HIPK3: variants seen among roughly 807,000 people sequenced by gnomAD.
HIPK3 encodes the protein homeodomain-interacting protein kinase 3.
In HIPK3, 47 loss-of-function variants were observed where a neutral mutation model predicts 124.2. That is an observed-to-expected ratio of 0.38 (90% CI 0.30 to 0.48). HIPK3 has a LOEUF of 0.48. Among genes scored for constraint, HIPK3 ranks in the 20% least tolerant of loss-of-function variants. The pLI, the probability that HIPK3 is intolerant of heterozygous loss-of-function variation, is 0.98. For synonymous variants in HIPK3, 482 were observed against 515.2 expected (o/e 0.94, Z 0.87); for missense variants, 1,286 against 1,454.3 (o/e 0.88, Z 1.88).
chr11:33,315,142 C>T (rs1385134248), intron 2 of HIPK3, among the ~76,000 whole-genome samples: 1 of 152,194 alleles, frequency 6.6e-6, no homozygotes, highest in Non-Finnish European at 1.5e-5. Flanking sequence ...TTATTTTCCA[C>T]AGATACTTTT....
At chr11:33,326,198 G>A (rs1373931265) in intron 2 of HIPK3, among the ~76,000 whole-genome samples, 3 of 152,168 alleles carry the variant, frequency 2.0e-5, no homozygotes, top group African/African-American at 7.2e-5. Flanking sequence ...CTAACTTCTT[G>A]AGTGTAAGGC....
Position 33,340,175 on chromosome 11 carries a change from G to A in HIPK3, c.1613+641G>A, listed in dbSNP as rs117032457. The stretch of plus-strand genomic sequence containing the variant: ...TGCTCACTACAACCTCCGCCTCACA[G>A]GCTCAAGTGCTCCTCCCACCACCTC... On this transcript the variant is annotated intron_variant, in intron 6 of 16. Transcript: ENST00000303296. Among the ~76,000 whole-genome samples the A allele has an allele frequency of 3.9e-4, 59 of 152,314 alleles. No homozygotes were observed. In the East Asian group the frequency reaches 8.9e-3, roughly 23 times the overall value.
intron 1 of HIPK3, 148 bp from the exon 2 acceptor site, chr11:33,286,265 C>T (rs554044): frequency 2.8e-6 from 2 of 722,124 alleles, no homozygotes; most frequent in African/African-American, 3.6e-5. Context: ...AAAAAATCAT[C>T]TTCATGGAAA....
Position 33,356,437 on chromosome 11 carries a change from C to T in HIPK3, c.*2869C>T, listed in dbSNP as rs1478937135. 1 of 151,810 alleles carries T rather than the reference C, an allele frequency of 6.6e-6. No homozygotes were observed. The highest frequency in any genetic ancestry group is 1.5e-5 in the Non-Finnish European group (1 of 67,866). 9.4% of individuals were successfully genotyped at this position (151,810 alleles called of 1,614,324 possible). On this transcript the variant is annotated 3_prime_UTR_variant, in exon 17 of 17. Coordinates refer to ENST00000303296, the MANE Select transcript of HIPK3 (RefSeq NM_005734.5). Reference sequence around the variant, plus strand: ...TCTTAAATAAAACACTGCATGATTTCCAAGTTGCATATTTGCATACTATTT... The same window carrying T: ...TCTTAAATAAAACACTGCATGATTTTCAAGTTGCATATTTGCATACTATTT...
At position 33,352,137 on chromosome 11, in the gene HIPK3, G is replaced by C; in HGVS notation, c.3044-1G>C. 6.2e-7 allele frequency: 1 copy of C among 1,612,744 alleles called. No homozygotes were observed. Among genetic ancestry groups the C allele is most frequent in the Non-Finnish European group, 8.5e-7 (1 of 1,179,066 alleles). Reference sequence around the variant, plus strand: ...CTCTTTAATATTTTATTCGTCGCCAGATTCTATATGCCAGCCATTAATAAA... The same window carrying C: ...CTCTTTAATATTTTATTCGTCGCCACATTCTATATGCCAGCCATTAATAAA... On this transcript the variant is annotated splice_acceptor_variant, in intron 15 of 16. Transcript: ENST00000303296. LOFTEE classifies it high-confidence loss of function.
chr11:33,294,986 A>T (rs1481003355), intron 2 of HIPK3, among the ~76,000 whole-genome samples: 1 of 152,070 alleles, frequency 6.6e-6, no homozygotes, highest in Non-Finnish European at 1.5e-5. Flanking sequence ...CTCAAAATGG[A>T]GTCACTCATG....
intron 8 of HIPK3, among the ~76,000 whole-genome samples, chr11:33,344,750 G>T (rs1853443289): frequency 6.6e-6 from 1 of 152,206 alleles, no homozygotes; most frequent in East Asian, 1.9e-4. Context: ...GCAGCAACAG[G>T]CCAGGCAGGC....
intron 1 of HIPK3, chr11:33,258,676 G>A (rs1321252865): frequency 1.0e-6 from 1 of 985,234 alleles, no homozygotes; most frequent in African/African-American, 1.7e-5. Context: ...GGAGGGAGAC[G>A]GCTGTTGTAA....
At chr11:33,348,422 A>C in intron 12 of HIPK3, 100 bp from the exon 13 acceptor site, 1 of 1,103,536 alleles carries the variant, frequency 9.1e-7, no homozygotes, top group Non-Finnish European at 1.3e-6. Flanking sequence ...ATGAACTCGA[A>C]CAAGTGAAGG....
chr11:33,341,649 T>A lies in HIPK3; in HGVS notation c.1860T>A (p.Phe620Leu). 1 of 1,613,760 alleles carries A rather than the reference T, an allele frequency of 6.2e-7. No individual in the cohort carries two copies. The highest frequency in any genetic ancestry group is 1.1e-5 in the South Asian group (1 of 90,936). The change falls in exon 8 of 17, where the codon TTT (phenylalanine) becomes TTA (leucine). Residue 620 changes from phenylalanine to leucine, a missense_variant. Transcript: ENST00000303296. ...CTCAGTTTGGTTGTGGTGATGCTTT[T>A]CAGCAGACATTGATTATCTGTCCCC... ...GTAQFGCGDAFQQTLIICPPA... is the reference protein window; with the variant it reads ...GTAQFGCGDALQQTLIICPPA...
intron 8 of HIPK3, 134 bp downstream of exon 8, chr11:33,341,820 C>G (rs1853343824): frequency 1.3e-6 from 1 of 779,730 alleles, no homozygotes; most frequent in South Asian, 2.0e-5. Context: ...GCTGTTCAGG[C>G]CAAGTGTGGT....
In HIPK3 at chr11:33,287,239, T is replaced by C. The variant is rs553657330; in HGVS notation, c.825T>C (p.Phe275=). 6.2e-7 allele frequency: 1 copy of C among 1,614,130 alleles called. No individual in the cohort carries two copies. Among genetic ancestry groups the C allele is most frequent in the Non-Finnish European group, 8.5e-7 (1 of 1,179,968 alleles). Residue 275 remains phenylalanine, a synonymous_variant, in exon 2 of 17, where the codon TTT becomes TTC. Coordinates refer to ENST00000303296, the MANE Select transcript of HIPK3 (RefSeq NM_005734.5). ...ACCGTAACCATACTTGTTTAGTCTT[T>C]GAGATGCTGGAACAAAACTTGTATG... is the stretch of plus-strand genomic sequence containing the variant. ...FQHRNHTCLV[F]EMLEQNLYDF... is the part of the protein sequence containing the mutation.
chr11:33,316,379 T>A (rs545207984), intron 2 of HIPK3, among the ~76,000 whole-genome samples: 16 of 152,248 alleles, frequency 1.1e-4, no homozygotes, highest in South Asian at 4.1e-4. Flanking sequence ...TTGGAAGGAG[T>A]CTTGCAGGTA....
At chr11:33,294,611 T>A (rs549348675) in intron 2 of HIPK3, among the ~76,000 whole-genome samples, 1 of 152,220 alleles carries the variant, frequency 6.6e-6, no homozygotes, top group Admixed American at 6.5e-5. Flanking sequence ...ACTATTTTTT[T>A]TTCTTTTCTT....
intron 3 of HIPK3, among the ~76,000 whole-genome samples, chr11:33,336,846 C>T (rs1853163982): frequency 6.6e-6 from 1 of 152,212 alleles, no homozygotes; most frequent in South Asian, 2.1e-4. Flanking sequence ...AGAATTTTAC[C>T]TGACCACAAT....
intron 1 of HIPK3, among the ~76,000 whole-genome samples, chr11:33,283,517 A>T (rs1346759180): frequency 6.6e-6 from 1 of 152,134 alleles, no homozygotes; most frequent in Non-Finnish European, 1.5e-5. Flanking sequence ...TCAACTTAGG[A>T]ATGTGGTAGA....
In HIPK3 at chr11:33,272,377, C is replaced by G. The variant is rs926793833; in HGVS notation, c.-2-14036C>G. ...TCGCGCCACTACACTCTAGCCTGGGCGACAGAGTAAGACTCCGTCTCCAAA... is the reference window on the plus strand; with the variant it reads ...TCGCGCCACTACACTCTAGCCTGGGGGACAGAGTAAGACTCCGTCTCCAAA... On this transcript the variant is annotated intron_variant, in intron 1 of 16. Coordinates refer to ENST00000303296, the MANE Select transcript of HIPK3 (RefSeq NM_005734.5). Among the ~76,000 whole-genome samples, 21 of 150,280 alleles carry G rather than the reference C, an allele frequency of 1.4e-4. 1 individual carries two copies. The highest frequency in any genetic ancestry group is 1.9e-4 in the Non-Finnish European group (13 of 67,652).
intron 16 of HIPK3, 65 bp downstream of exon 16, chr11:33,352,330 G>A (rs1853688320): frequency 6.5e-7 from 1 of 1,545,994 alleles, no homozygotes; most frequent in Non-Finnish European, 8.9e-7. Context: ...TTTTCACGTG[G>A]AGGAGAAAGC....
intron 1 of HIPK3, among the ~76,000 whole-genome samples, chr11:33,270,572 T>A (rs1450671452): frequency 6.6e-6 from 1 of 152,162 alleles, no homozygotes; most frequent in Non-Finnish European, 1.5e-5. Context: ...CAACTTTATA[T>A]GAACAGTGAA....
Sources: allele counts gnomAD v4.1 joint callset (sites outside exome capture counted in the v4.1 genomes callset), GRCh38; gene constraint gnomAD v4.1.1; transcripts MANE v1.5; gene names NCBI Gene and HGNC (gene_info 2026-07-23, HGNC 2026-07-21).